KAT2B: variants seen among roughly 807,000 people sequenced by gnomAD.
KAT2B encodes lysine acetyltransferase 2B, also known as histone acetyltransferase KAT2B.
Under a neutral mutation model 105.9 loss-of-function variants are expected in KAT2B, and 36 were observed. The observed-to-expected ratio is 0.34, with a 90% CI of 0.26 to 0.45. The LOEUF (loss-of-function observed/expected upper bound fraction) is 0.45, where lower values mean the gene tolerates loss of function less well. KAT2B is among the 20% of genes least tolerant of loss of function. KAT2B has a pLI of 1.00. For missense variants in KAT2B, 820 were observed against 1,021.6 expected, an observed-to-expected ratio of 0.80 and a Z score of 2.69; for synonymous variants, 397 against 377.9, an observed-to-expected ratio of 1.05 and a Z score of -0.59.
At position 20,073,115 on chromosome 3, in the gene KAT2B, A is replaced by G. The variant is rs542872221; in HGVS notation, c.430+656A>G. On this transcript the variant is annotated intron_variant, in intron 2 of 17. Transcript: ENST00000263754. Reference sequence around the variant, plus strand: ...TCCTAATACTAGTTTTATGATTAAAATATTTAAAAAAATCATGTGTTGTTT... The same window carrying G: ...TCCTAATACTAGTTTTATGATTAAAGTATTTAAAAAAATCATGTGTTGTTT... 1.5e-3 allele frequency among the ~76,000 whole-genome samples: 230 copies of G among 152,316 alleles called. 4 individuals are homozygous for G. Among genetic ancestry groups the G allele is most frequent in the Admixed American group, 0.015 (228 of 15,296 alleles).
intron 13 of KAT2B, among the ~76,000 whole-genome samples, chr3:20,140,656 A>G (rs1052059590): frequency 2.0e-5 from 3 of 151,916 alleles, no homozygotes; most frequent in Non-Finnish European, 4.4e-5. Context: ...ATGCCCAGCC[A>G]ATTTTTCTTA....
chr3:20,079,412 C>T (rs1158998335), intron 2 of KAT2B, among the ~76,000 whole-genome samples: 1 of 151,964 alleles, frequency 6.6e-6, no homozygotes, highest in Non-Finnish European at 1.5e-5. Context: ...TCATGTTGAC[C>T]AAGCTGGTCT....
At chr3:20,058,225 C>A (rs557092783) in intron 1 of KAT2B, among the ~76,000 whole-genome samples, 4 of 151,984 alleles carry the variant, frequency 2.6e-5, no homozygotes, top group Non-Finnish European at 5.9e-5. Flanking sequence ...TGGGAGGCCA[C>A]GGCAGGCAGA....
At chr3:20,046,130 T>C (rs1697806470) in intron 1 of KAT2B, among the ~76,000 whole-genome samples, 2 of 152,194 alleles carry the variant, frequency 1.3e-5, no homozygotes. Flanking sequence ...AGATGCTAGG[T>C]TAATGCTGGC....
intron 1 of KAT2B, among the ~76,000 whole-genome samples, chr3:20,051,673 C>T (rs186292509): frequency 6.6e-6 from 1 of 152,156 alleles, no homozygotes; most frequent in African/African-American, 2.4e-5. Flanking sequence ...GCCACCCTCT[C>T]CCCAGGAATG....
intron 2 of KAT2B, among the ~76,000 whole-genome samples, chr3:20,088,749 G>T (rs1488394250): frequency 6.6e-6 from 1 of 152,096 alleles, no homozygotes; most frequent in Non-Finnish European, 1.5e-5. Context: ...TTAGTTTGAT[G>T]CAATCCAGTT....
At chr3:20,147,489 A>C (rs1699799815) in intron 14 of KAT2B, among the ~76,000 whole-genome samples, 1 of 152,208 alleles carries the variant, frequency 6.6e-6, no homozygotes. Flanking sequence ...AGGAAAGAAC[A>C]GGAAATCACA....
intron 9 of KAT2B, among the ~76,000 whole-genome samples, chr3:20,124,057 G>A (rs1052988760): frequency 6.6e-6 from 1 of 152,144 alleles, no homozygotes; most frequent in Non-Finnish European, 1.5e-5. Context: ...ATACTTCAGA[G>A]AACCAGAATG....
chr3:20,063,088 G>C (rs1173711550), intron 1 of KAT2B, among the ~76,000 whole-genome samples: 1 of 151,902 alleles, frequency 6.6e-6, no homozygotes, highest in African/African-American at 2.4e-5. Context: ...TTTATTTTTA[G>C]ACAGTATCTT....
chr3:20,055,015 A>G (rs1386041028), intron 1 of KAT2B, among the ~76,000 whole-genome samples: 1 of 152,134 alleles, frequency 6.6e-6, no homozygotes, highest in African/African-American at 2.4e-5. Flanking sequence ...AAGTCAATGC[A>G]GAGAGAAACC....
At chr3:20,099,474 C>T (rs1007757313) in intron 3 of KAT2B, among the ~76,000 whole-genome samples, 1 of 152,084 alleles carries the variant, frequency 6.6e-6, no homozygotes, top group East Asian at 1.9e-4. Context: ...GGGCATGTGC[C>T]AAGTGTGTAG....
chr3:20,066,066 G>A (rs1040446213), intron 1 of KAT2B, among the ~76,000 whole-genome samples: 1 of 151,882 alleles, frequency 6.6e-6, no homozygotes, highest in Non-Finnish European at 1.5e-5. Context: ...GATGTCATCT[G>A]GGCCACACTC....
intron 1 of KAT2B, among the ~76,000 whole-genome samples, chr3:20,070,980 G>A (rs1415216390): frequency 6.7e-6 from 1 of 148,582 alleles, no homozygotes; most frequent in Non-Finnish European, 1.5e-5. Context: ...CTGCACTCCA[G>A]CCTGGGCAAC....
chr3:20,086,087 A>G (rs1452643040), intron 2 of KAT2B, among the ~76,000 whole-genome samples: 1 of 151,880 alleles, frequency 6.6e-6, no homozygotes, highest in African/African-American at 2.4e-5. Flanking sequence ...CCTGGACAAC[A>G]TGGTGAAACC....
At chr3:20,120,116 G>A (rs926097392) in intron 8 of KAT2B, among the ~76,000 whole-genome samples, 2 of 151,998 alleles carry the variant, frequency 1.3e-5, no homozygotes, top group South Asian at 2.1e-4. Flanking sequence ...TGGGCTACCC[G>A]GAACATGTCC....
chr3:20,047,676 G>T (rs1234938500), intron 1 of KAT2B, among the ~76,000 whole-genome samples: 2 of 146,136 alleles, frequency 1.4e-5, no homozygotes, highest in African/African-American at 5.0e-5. Flanking sequence ...GCAGTGGTGT[G>T]ATCTCAGTTT....
intron 2 of KAT2B, among the ~76,000 whole-genome samples, chr3:20,093,375 C>G (rs1021406849): frequency 4.6e-5 from 7 of 152,146 alleles, no homozygotes; most frequent in African/African-American, 1.7e-4. Flanking sequence ...TATACCCTAA[C>G]TTCTTTAGTC....
intron 5 of KAT2B, among the ~76,000 whole-genome samples, chr3:20,104,560 G>A (rs890396442): frequency 6.6e-6 from 1 of 152,196 alleles, no homozygotes; most frequent in African/African-American, 2.4e-5. Context: ...ATTACTGGCT[G>A]CAGGCACCAG....
chr3:20,065,224 G>C (rs1698203490), intron 1 of KAT2B, among the ~76,000 whole-genome samples: 1 of 152,112 alleles, frequency 6.6e-6, no homozygotes, highest in Non-Finnish European at 1.5e-5. Flanking sequence ...TGCTCTTGGG[G>C]GGATGAAGTC....
Sources: gnomAD v4.1 joint callset for allele counts (sites outside exome capture counted in the v4.1 genomes callset) on GRCh38, gnomAD v4.1.1 for gene constraint, MANE v1.5 for transcripts, NCBI Gene and HGNC (gene_info 2026-07-23, HGNC 2026-07-21) for gene names.